Variants in AGL observed in about 807,000 individuals in gnomAD.
The protein encoded by AGL is amylo-alpha-1,6-glucosidase and 4-alpha-glucanotransferase.
In AGL, 128 loss-of-function variants were observed where a neutral mutation model predicts 199.3. The ratio of observed to expected loss-of-function variants is 0.64; its 90% CI spans 0.56 to 0.74. AGL has a LOEUF of 0.74. Ranked by LOEUF, AGL falls within the 30% of genes least tolerant of loss-of-function variation. The pLI is 0.00. For missense variants in AGL, 1,809 were observed against 1,820.8 expected (o/e 0.99, Z 0.12); for synonymous variants, 584 against 594.7 (o/e 0.98, Z 0.26).
Position 99,891,622 on chromosome 1 carries a change from A to G in AGL, c.2966A>G (p.Gln989Arg), listed in dbSNP as rs759461084. 4.3e-5 allele frequency: 69 copies of G among 1,613,492 alleles called. 1 individual carries two copies. The highest frequency in any genetic ancestry group is 3.2e-4 in the South Asian group (29 of 91,082). ...GTIAEVGKWL[Q>R]AMFFYLKQIP... ...TAATTACAGGTTGGTAAATGGTTGC[A>G]GGCTATGTTCTTCTACCTGAAGCAG... Residue 989 changes from glutamine to arginine, a missense_variant, in exon 23 of 34, where the codon CAG (glutamine) becomes CGG (arginine). Transcript: ENST00000361915.
intron 2 of AGL, 129 bp from the exon 3 acceptor site, chr1:99,861,373 TA>T: frequency 6.5e-7 from 1 of 1,536,732 alleles, no homozygotes; most frequent in Non-Finnish European, 8.7e-7. Flanking sequence ...AAAACAGCAT[TA>T]GGTTTGCGGA....
chr1:99,913,048 C>T (rs115044636), intron 29 of AGL, among the ~76,000 whole-genome samples: 2,880 of 152,086 alleles, frequency 0.019, 99 homozygotes, highest in African/African-American at 0.066. Flanking sequence ...CATGAAAACC[C>T]ATGTCTACAA....
chr1:99,860,824 G>A (rs1190346938), intron 2 of AGL, among the ~76,000 whole-genome samples: 2 of 152,058 alleles, frequency 1.3e-5, no homozygotes, highest in African/African-American at 4.8e-5. Context: ...TGCCCATGTC[G>A]GGATTATTTC....
chr1:99,862,487 A>G (rs1650136710), intron 4 of AGL, 64 bp downstream of exon 4: 1 of 1,564,240 alleles, frequency 6.4e-7, no homozygotes, highest in African/African-American at 1.4e-5. Context: ...TCTGTGATAT[A>G]GATTTCAAAA....
intron 24 of AGL, 49 bp from the exon 25 acceptor site, chr1:99,896,237 T>G (rs1308976080): frequency 6.9e-7 from 1 of 1,442,424 alleles, no homozygotes; most frequent in Non-Finnish European, 9.8e-7. Flanking sequence ...CATAGGTTTG[T>G]GTGTATTATT....
At chr1:99,897,085 G>A (rs948595935) in intron 25 of AGL, among the ~76,000 whole-genome samples, 2 of 152,154 alleles carry the variant, frequency 1.3e-5, no homozygotes, top group African/African-American at 2.4e-5. Flanking sequence ...GAAGTGCTGG[G>A]ATTACAGGCG....
Position 99,874,822 on chromosome 1 carries a change from G to A in AGL, c.1082+12G>A, listed in dbSNP as rs755972114. On this transcript the variant is annotated intron_variant, in intron 8 of 33. Transcript: ENST00000361915. ...TTCATACCACATGAGTATGTAATGT[G>A]TTTTTTTCTGTGAAATAATAATATT... 1.2e-6 allele frequency: 2 copies of A among 1,612,492 alleles called. No individual in the cohort carries two copies. The highest frequency in any genetic ancestry group is 4.5e-5 in the East Asian group (2 of 44,806).
chr1:99,868,120 TC>T (rs1302202856), intron 5 of AGL, among the ~76,000 whole-genome samples: 1 of 152,230 alleles, frequency 6.6e-6, no homozygotes, highest in African/African-American at 2.4e-5. Flanking sequence ...TTGTTGAGTT[TC>T]TTACTGTATC....
chr1:99,892,662 A>G, intron 24 of AGL, 55 bp downstream of exon 24: 1 of 1,539,272 alleles, frequency 6.5e-7, no homozygotes, highest in Non-Finnish European at 9.0e-7. Context: ...TCGCGGAAGA[A>G]AAGTTATAGG....
At chr1:99,905,196 T>A (rs1302364951) in intron 27 of AGL, among the ~76,000 whole-genome samples, 1 of 151,586 alleles carries the variant, frequency 6.6e-6, no homozygotes. Flanking sequence ...ACAAACTGTG[T>A]GTGGTGGGGG....
At position 99,921,883 on chromosome 1, in the gene AGL, A is replaced by G. The variant is rs370200115; in HGVS notation, c.*232A>G. On this transcript the variant is annotated 3_prime_UTR_variant, in exon 34 of 34. Coordinates refer to ENST00000361915, the MANE Select transcript of AGL (RefSeq NM_000642.3). The stretch of plus-strand genomic sequence containing the variant: ...CCAATGAAATGTGTTTGAGTTCAGT[A>G]AGAATTATTCAAATGCCTAGAAATC... 3.1e-6 allele frequency: 1 copy of G among 326,142 alleles called. No individual in the cohort carries two copies. 20.2% of individuals were successfully genotyped at this position (326,142 alleles called of 1,614,324 possible).
chr1:99,863,768 T>A (rs1195345545), intron 4 of AGL, among the ~76,000 whole-genome samples: 3 of 147,978 alleles, frequency 2.0e-5, no homozygotes, highest in Non-Finnish European at 4.5e-5. Flanking sequence ...TTTTTTTTTT[T>A]AAGACAGTGT....
chr1:99,892,550 T>C lies in AGL; in HGVS notation c.3202T>C (p.Tyr1068His). ...ILSPALMDVP[Y>H]RLNEITKEKE... ...TTCACCTGCCCTAATGGATGTACCT[T>C]ATAGGTTAAATGAGATCACAAAAGA... Residue 1068 changes from tyrosine (Y) to histidine (H), a missense_variant, in exon 24 of 34, where the codon TAT becomes CAT. Transcript: ENST00000361915. 6.2e-7 allele frequency: 1 copy of C among 1,613,614 alleles called. No homozygotes were observed. The highest frequency in any genetic ancestry group is 8.5e-7 in the Non-Finnish European group (1 of 1,179,682).
At chr1:99,871,018 G>A in intron 7 of AGL, 149 bp downstream of exon 7, 4 of 624,936 alleles carry the variant, frequency 6.4e-6, no homozygotes, top group Middle Eastern at 4.5e-4. Context: ...GATTCTGTAA[G>A]CTGAGAGTTA....
chr1:99,901,715 T>G (rs1018806627), intron 26 of AGL, among the ~76,000 whole-genome samples: 1 of 148,972 alleles, frequency 6.7e-6, no homozygotes, highest in African/African-American at 2.5e-5. Flanking sequence ...ACTATACTTT[T>G]GCCACTTCTG....
chr1:99,877,536 T>C (rs1483278702), intron 11 of AGL, 105 bp from the exon 12 acceptor site: 2 of 1,015,184 alleles, frequency 2.0e-6, no homozygotes, highest in East Asian at 2.6e-5. Flanking sequence ...CAATATATCA[T>C]TTATGGCAGA....
chr1:99,914,937 A>G (rs1347965574), intron 30 of AGL, among the ~76,000 whole-genome samples: 1 of 152,164 alleles, frequency 6.6e-6, no homozygotes, highest in Non-Finnish European at 1.5e-5. Context: ...AAAATTAGCC[A>G]TTTGTGGTGG....
chr1:99,899,784 C>T (rs1653666147), intron 25 of AGL, among the ~76,000 whole-genome samples: 1 of 151,956 alleles, frequency 6.6e-6, no homozygotes, highest in African/African-American at 2.4e-5. Context: ...CTACGCCCGG[C>T]TAATTTTTTG....
At chr1:99,870,664 G>C in intron 6 of AGL, 83 bp downstream of exon 6, 1 of 1,507,532 alleles carries the variant, frequency 6.6e-7, no homozygotes, top group Non-Finnish European at 9.2e-7. Context: ...AAATTACTTA[G>C]AACCTGTATT....
Sources: allele counts gnomAD v4.1 joint callset (sites outside exome capture counted in the v4.1 genomes callset), GRCh38; gene constraint gnomAD v4.1.1; transcripts MANE v1.5; gene names NCBI Gene and HGNC (gene_info 2026-07-23, HGNC 2026-07-21).